The following UBAC1 variants were observed in gnomAD, a reference collection of about 807,000 sequenced individuals.
UBAC1 encodes UBA domain containing 1.
Under a neutral mutation model 45.9 loss-of-function variants are expected in UBAC1, and 27 were observed. That is an observed-to-expected ratio of 0.59 (90% confidence interval 0.43 to 0.81). The LOEUF (loss-of-function observed/expected upper bound fraction) is 0.81, where lower values mean the gene tolerates loss of function less well. Among genes scored for constraint, UBAC1 ranks in the 30% least tolerant of loss-of-function variants. The probability of loss-of-function intolerance (pLI) is 0.00; values close to 1 mark genes in which losing one functional copy is unlikely to be tolerated. For missense variants in UBAC1, 529 were observed against 539.2 expected (o/e 0.98, Z 0.19); for synonymous variants, 227 against 215.5 (o/e 1.05, Z -0.47).
chr9:135,939,958 T>C lies in UBAC1; in HGVS notation c.877-199A>G, dbSNP rs567777592. On this transcript the variant is annotated intron_variant, in intron 7 of 9. Coordinates refer to ENST00000371756, the MANE Select transcript of UBAC1 (RefSeq NM_016172.3). ...TTTCAGCATCCTAAAGCCGAGGAAG[T>C]GCAGGGATGACTGTAGTTAGCAGAG... Among the ~76,000 whole-genome samples, 6 of 152,308 alleles carry C rather than the reference T, an allele frequency of 3.9e-5. No homozygotes were observed. In the South Asian group the frequency reaches 1.2e-3, roughly 32 times the overall value.
intron 9 of UBAC1, among the ~76,000 whole-genome samples, chr9:135,934,790 T>C (rs544927794): frequency 6.6e-6 from 1 of 152,206 alleles, no homozygotes; most frequent in African/African-American, 2.4e-5. Context: ...AAATAAATTC[T>C]GGAAGGATGA....
chr9:135,945,946 T>G lies in UBAC1; in HGVS notation c.596A>C (p.Gln199Pro). The G allele has an allele frequency of 6.2e-7, 1 of 1,614,056 alleles. No individual in the cohort carries two copies. The highest frequency in any genetic ancestry group is 8.5e-7 in the Non-Finnish European group (1 of 1,180,042). ...CTCCGGAAAGCCCATCTCCGTGAGC[T>G]GCCGCAGGGCAGCCTCGTCCACACG... is the stretch of plus-strand genomic sequence containing the variant. ...DERVDEAALR[Q>P]LTEMGFPENR... The change falls in exon 6 of 10, where the codon CAG becomes CCG. Residue 199 changes from glutamine to proline, a missense_variant. Coordinates refer to ENST00000371756, the MANE Select transcript of UBAC1 (RefSeq NM_016172.3).
chr9:135,960,477 C>A (rs902543892), intron 1 of UBAC1, among the ~76,000 whole-genome samples: 1 of 152,154 alleles, frequency 6.6e-6, no homozygotes, highest in South Asian at 2.1e-4. Flanking sequence ...GGCCTGGGGC[C>A]AGCCAGGAAA....
chr9:135,946,171 ACT>A, intron 5 of UBAC1, 96 bp downstream of exon 5: 2 of 1,074,998 alleles, frequency 1.9e-6, no homozygotes, highest in South Asian at 2.6e-5. Flanking sequence ...TCCATAAAGC[ACT>A]GAGGTTCCGG....
chr9:135,936,074 G>C (rs1320422383), intron 9 of UBAC1, among the ~76,000 whole-genome samples: 5 of 151,516 alleles, frequency 3.3e-5, no homozygotes, highest in Admixed American at 2.0e-4. Context: ...TGAAGGTCTT[G>C]TCTATAATAT....
intron 4 of UBAC1, among the ~76,000 whole-genome samples, chr9:135,946,619 TACTC>T (rs1839340136): frequency 6.6e-6 from 1 of 152,208 alleles, no homozygotes; most frequent in Admixed American, 6.5e-5. Flanking sequence ...GCTGGCCCGA[TACTC>T]AGCCTGTGCC....
chr9:135,946,424 G>C (rs1318309826), intron 4 of UBAC1, 53 bp from the exon 5 acceptor site: 11 of 1,168,488 alleles, frequency 9.4e-6, no homozygotes, highest in Non-Finnish European at 1.4e-5. Context: ...AAACCTACTT[G>C]GATCTATGAC....
intron 9 of UBAC1, among the ~76,000 whole-genome samples, chr9:135,935,733 A>C (rs1839195923): frequency 1.3e-5 from 2 of 152,228 alleles, no homozygotes; most frequent in African/African-American, 2.4e-5. Context: ...AATAACCAAA[A>C]GGAATGCAAG....
chr9:135,943,185 C>T (rs979211136), intron 7 of UBAC1, among the ~76,000 whole-genome samples: 4 of 152,104 alleles, frequency 2.6e-5, no homozygotes, highest in Non-Finnish European at 4.4e-5. Flanking sequence ...TTTGGGAGGC[C>T]GAGGCGGGCA....
chr9:135,946,300 T>C lies in UBAC1; in HGVS notation c.513A>G (p.Pro171=), dbSNP rs759877665. ...EVAQKLLALN[P]DAVELFKKAN... is the part of the protein sequence containing the mutation. ...CCTTCTTAAACAATTCCACTGCATC[T>C]GGGTTCAGCGCTAACAGCTTCTGCG... Residue 171 remains proline, a synonymous_variant, in exon 5 of 10, where the codon CCA becomes CCG. Coordinates refer to ENST00000371756, the MANE Select transcript of UBAC1 (RefSeq NM_016172.3). The C allele has an allele frequency of 1.2e-6, 2 of 1,613,852 alleles. No individual in the cohort carries two copies. Among genetic ancestry groups the C allele is most frequent in the African/African-American group, 1.3e-5 (1 of 75,048 alleles).
At position 135,940,980 on chromosome 9, in the gene UBAC1, G is replaced by A. The variant is rs565518193; in HGVS notation, c.877-1221C>T. ...GACTTCATGCAGCACTGCACCCCGC[G>A]GACGGTGCACGTCCACAGCCAGTCT... is the stretch of plus-strand genomic sequence containing the variant. On this transcript the variant is annotated intron_variant, in intron 7 of 9. Coordinates refer to ENST00000371756, the MANE Select transcript of UBAC1 (RefSeq NM_016172.3). 3.5e-3 allele frequency among the ~76,000 whole-genome samples: 540 copies of A among 152,292 alleles called. 3 individuals are homozygous for A. Among genetic ancestry groups the A allele is most frequent in the African/African-American group, 0.012 (513 of 41,554 alleles).
At chr9:135,941,615 A>C (rs1839270154) in intron 7 of UBAC1, among the ~76,000 whole-genome samples, 1 of 152,196 alleles carries the variant, frequency 6.6e-6, no homozygotes, top group African/African-American at 2.4e-5. Flanking sequence ...ACTGTCGCTC[A>C]TTTCTACCTC....
At chr9:135,934,833 T>C (rs1839185004) in intron 9 of UBAC1, among the ~76,000 whole-genome samples, 1 of 152,180 alleles carries the variant, frequency 6.6e-6, no homozygotes, top group Non-Finnish European at 1.5e-5. Context: ...GAGTTAAATA[T>C]GAAAAACCAC....
intron 1 of UBAC1, 78 bp from the exon 2 acceptor site, chr9:135,955,493 T>G (rs1180635676): frequency 7.3e-7 from 1 of 1,371,742 alleles, no homozygotes; most frequent in African/African-American, 1.5e-5. Context: ...CATCCCAAGC[T>G]ACACCAGGAA....
chr9:135,955,991 T>A (rs1331322591), intron 1 of UBAC1, among the ~76,000 whole-genome samples: 1 of 152,084 alleles, frequency 6.6e-6, no homozygotes, highest in East Asian at 1.9e-4. Context: ...GCTCTCGGCG[T>A]GGCCCAGCTC....
intron 8 of UBAC1, 53 bp from the exon 9 acceptor site, chr9:135,938,413 A>G: frequency 6.3e-7 from 1 of 1,584,906 alleles, no homozygotes; most frequent in South Asian, 1.1e-5. Context: ...TGCCTCCGCA[A>G]GACGCCACCA....
intron 3 of UBAC1, among the ~76,000 whole-genome samples, chr9:135,951,790 A>G (rs996815507): frequency 6.6e-6 from 1 of 152,224 alleles, no homozygotes; most frequent in Admixed American, 6.5e-5. Context: ...AGCTTGGGTA[A>G]CAAAAGCGAA....
chr9:135,946,265 A>G lies in UBAC1; in HGVS notation c.544+4T>C, dbSNP rs1839333549. On this transcript the variant is annotated splice_donor_region_variant and intron_variant, in intron 5 of 9. Transcript: ENST00000371756. ...TGGAATGCAGCATCGGGGTTGACTC[A>G]TACCATTCGCCTTCTTAAACAATTC... 3.7e-6 allele frequency: 6 copies of G among 1,605,168 alleles called. No homozygotes were observed. The highest frequency in any genetic ancestry group is 5.1e-6 in the Non-Finnish European group (6 of 1,172,058).
Position 135,946,005 on chromosome 9 carries a change from G to T in UBAC1, c.545-8C>A. On this transcript the variant is annotated splice_polypyrimidine_tract_variant and splice_region_variant and intron_variant, in intron 5 of 9. Transcript: ENST00000371756. Reference sequence around the variant, plus strand: ...CGTCCTCGTCCAGCATTGCTGCAGGGAGACGACAGGGCCATGAGGGCTCCA... The same window carrying T: ...CGTCCTCGTCCAGCATTGCTGCAGGTAGACGACAGGGCCATGAGGGCTCCA... The T allele has an allele frequency of 6.2e-7, 1 of 1,612,442 alleles. No homozygotes were observed. Among genetic ancestry groups the T allele is most frequent in the Non-Finnish European group, 8.5e-7 (1 of 1,179,494 alleles).
Sources: gnomAD v4.1 joint callset for allele counts (sites outside exome capture counted in the v4.1 genomes callset) on GRCh38, gnomAD v4.1.1 for gene constraint, MANE v1.5 for transcripts, NCBI Gene and HGNC (gene_info 2026-07-23, HGNC 2026-07-21) for gene names.